GARNL3: variants seen among roughly 807,000 people sequenced by gnomAD.
The protein encoded by GARNL3 is GTPase activating Rap/RanGAP domain like 3.
GARNL3 carries 63 observed loss-of-function variants against 125.0 expected under a neutral mutation model. The observed-to-expected ratio is 0.50, with a 90% confidence interval of 0.41 to 0.62. The LOEUF (loss-of-function observed/expected upper bound fraction) is 0.62. Among genes scored for constraint, GARNL3 ranks in the 20% least tolerant of loss-of-function variants. The probability of loss-of-function intolerance (pLI) is 0.00; values close to 1 mark genes in which losing one functional copy is unlikely to be tolerated. For synonymous variants in GARNL3, 439 were observed against 457.5 expected (o/e 0.96, Z 0.52); for missense variants, 994 against 1,244.0 (o/e 0.80, Z 3.02).
At chr9:127,286,685 C>T (rs958960022) in intron 1 of GARNL3, among the ~76,000 whole-genome samples, 4 of 152,224 alleles carry the variant, frequency 2.6e-5, no homozygotes, top group African/African-American at 7.2e-5. Flanking sequence ...ATTCAATATG[C>T]TCCCAAATTA....
intron 2 of GARNL3, among the ~76,000 whole-genome samples, chr9:127,311,157 T>C (rs1310692540): frequency 2.0e-5 from 3 of 152,042 alleles, no homozygotes; most frequent in Admixed American, 2.0e-4. Context: ...AAAATAGTTA[T>C]TGGCAAAGCA....
At chr9:127,247,965 ACT>A (rs1158340289) in intron 2 of GARNL3, among the ~76,000 whole-genome samples, 1 of 151,688 alleles carries the variant, frequency 6.6e-6, no homozygotes, top group Non-Finnish European at 1.5e-5. Context: ...CCCTCCTCCT[ACT>A]CTCTATCTCC....
intron 1 of GARNL3, among the ~76,000 whole-genome samples, chr9:127,238,666 G>A (rs1026938782): frequency 1.3e-5 from 2 of 152,076 alleles, no homozygotes; most frequent in Non-Finnish European, 1.5e-5. Context: ...CCTTATTCTG[G>A]GATATTTATC....
rs183807552 is a variant in GARNL3 at position 127,345,592 on chromosome 9, A to T, written c.1431+115A>T. On this transcript the variant is annotated intron_variant, in intron 16 of 27. Transcript: ENST00000373387. ...GAAGGAAGAAGAGCATGTCTACTGCAGAGTCCTCAGGGAAAGCCCTAGATA... is the reference window on the plus strand; with the variant it reads ...GAAGGAAGAAGAGCATGTCTACTGCTGAGTCCTCAGGGAAAGCCCTAGATA... 36 of 650,056 alleles carry T rather than the reference A, an allele frequency of 5.5e-5. No individual in the cohort carries two copies. The Admixed American group carries it at 9.3e-4, about 17-fold the overall frequency. The allele number at this position is 650,056 out of a possible 1,614,324, so 40.3% of individuals were successfully genotyped here. A position where few individuals can be genotyped will look rare whatever the true frequency, so the allele number is the denominator to read the frequency against.
chr9:127,342,428 C>A, intron 14 of GARNL3, 94 bp downstream of exon 14: 1 of 812,424 alleles, frequency 1.2e-6, no homozygotes, highest in Non-Finnish European at 2.1e-6. Flanking sequence ...GTGAGAAAAG[C>A]GTAGGAGGCG....
intron 7 of GARNL3, among the ~76,000 whole-genome samples, chr9:127,331,735 T>TTTC (rs1554722987): frequency 7.0e-5 from 10 of 143,734 alleles, no homozygotes; most frequent in Non-Finnish European, 1.1e-4. Context: ...TTTTTTTTTT[T>TTTC]CACATCTGTT....
At chr9:127,354,214 A>G (rs1830561602) in intron 18 of GARNL3, 80 bp from the exon 19 acceptor site, 1 of 1,028,192 alleles carries the variant, frequency 9.7e-7, no homozygotes, top group East Asian at 2.4e-5. Context: ...TAGTTTTTCT[A>G]CACAGTCTGC....
intron 5 of GARNL3, among the ~76,000 whole-genome samples, chr9:127,318,692 A>G (rs2065308536): frequency 6.7e-6 from 1 of 149,196 alleles, no homozygotes; most frequent in Non-Finnish European, 1.5e-5. Context: ...TCTCTCTCCC[A>G]TGCTTAGGTG....
chr9:127,367,684 G>A (rs1406443142), intron 22 of GARNL3, among the ~76,000 whole-genome samples: 1 of 152,164 alleles, frequency 6.6e-6, no homozygotes, highest in Non-Finnish European at 1.5e-5. Flanking sequence ...TTTAATGCAA[G>A]TAATTTCAGT....
Position 127,331,720 on chromosome 9 carries a change from CT to C in GARNL3, c.595-539del, listed in dbSNP as rs60448026. Among the ~76,000 whole-genome samples, 24 of 74,410 alleles carry C rather than the reference CT, an allele frequency of 3.2e-4. 2 individuals are homozygous for C. Among genetic ancestry groups the C allele is most frequent in the Non-Finnish European group, 5.0e-4 (20 of 40,204 alleles). 48.8% of individuals were successfully genotyped at this position (74,410 alleles called of 152,430 possible). A position where few individuals can be genotyped will look rare whatever the true frequency, so the allele number is the denominator to read the frequency against. On this transcript the variant is annotated intron_variant, in intron 7 of 27. Coordinates refer to ENST00000373387, the MANE Select transcript of GARNL3 (RefSeq NM_032293.5). The stretch of plus-strand genomic sequence containing the variant: ...CTACTGCTTGCTTGGCTTGGGCTTG[CT>C]TTTTTTTTTTTTTTCACATCTGTTT...
intron 1 of GARNL3, among the ~76,000 whole-genome samples, chr9:127,231,950 C>T (rs112368952): frequency 3.3e-5 from 5 of 152,152 alleles, no homozygotes; most frequent in Admixed American, 1.3e-4. Flanking sequence ...CAGGGACATA[C>T]AGTACTTCAA....
Position 127,384,100 on chromosome 9 carries a change from A to G in GARNL3, c.2269+555A>G, listed in dbSNP as rs1832415608. 1.3e-5 allele frequency among the ~76,000 whole-genome samples: 2 copies of G among 152,236 alleles called. No homozygotes were observed. The highest frequency in any genetic ancestry group is 4.8e-5 in the African/African-American group (2 of 41,462). On this transcript the variant is annotated intron_variant, in intron 23 of 27. Transcript: ENST00000373387. The surrounding 1 kb of genome is among the most constrained non-coding windows in gnomAD (Gnocchi z 4.0). ...TTCCAGTTCATTCTTTTGTCCTCAC[A>G]ATAAAACTGTGTGTTAATAGGTCCA...
At chr9:127,377,792 CA>C (rs56965235) in intron 22 of GARNL3, among the ~76,000 whole-genome samples, 15,687 of 67,496 alleles carry the variant, frequency 0.23, 701 homozygotes, top group South Asian at 0.4. Context: ...GACTCCGTCT[CA>C]AAAAAAAAAA....
intron 22 of GARNL3, among the ~76,000 whole-genome samples, chr9:127,380,940 G>A (rs544400205): frequency 3.9e-5 from 6 of 152,230 alleles, no homozygotes; most frequent in African/African-American, 1.2e-4. Context: ...GTGCAGTGGC[G>A]TGATCTTGGC....
chr9:127,383,222 C>CA (rs1347246230), intron 22 of GARNL3, among the ~76,000 whole-genome samples: 1 of 152,152 alleles, frequency 6.6e-6, no homozygotes, highest in African/African-American at 2.4e-5. Flanking sequence ...TAAATTCTCC[C>CA]AAAACAGCAG....
chr9:127,378,474 C>T (rs1253102229), intron 22 of GARNL3, among the ~76,000 whole-genome samples: 1 of 151,426 alleles, frequency 6.6e-6, no homozygotes, highest in Non-Finnish European at 1.5e-5. Context: ...GTAATCCCAG[C>T]TATTCGGGAG....
chr9:127,359,079 G>T (rs576947069), intron 21 of GARNL3, among the ~76,000 whole-genome samples: 2 of 152,098 alleles, frequency 1.3e-5, no homozygotes, highest in Admixed American at 1.3e-4. Context: ...AAAGCTGGGA[G>T]GAATGCCGCC....
chr9:127,310,869 G>A (rs1017068943), intron 2 of GARNL3, among the ~76,000 whole-genome samples: 3 of 152,074 alleles, frequency 2.0e-5, no homozygotes, highest in African/African-American at 7.2e-5. Context: ...ATTGCTGGTG[G>A]AACTATAATT....
Position 127,353,711 on chromosome 9 carries a change from A to G in GARNL3, c.1544-135A>G, listed in dbSNP as rs1216751835. ...TGCTTGAATGTATTTTGTAGAGCTTATGAAAGCCCTAGAAGCTGACTTCCT... is the reference window on the plus strand; with the variant it reads ...TGCTTGAATGTATTTTGTAGAGCTTGTGAAAGCCCTAGAAGCTGACTTCCT... On this transcript the variant is annotated intron_variant, in intron 17 of 27. Transcript: ENST00000373387. 7 of 731,848 alleles carry G rather than the reference A, an allele frequency of 9.6e-6. No individual in the cohort carries two copies. The African/African-American group carries it at 1.2e-4, about 13-fold the overall frequency. 45.3% of individuals were successfully genotyped at this position (731,848 alleles called of 1,614,324 possible). A position where few individuals can be genotyped will look rare whatever the true frequency, so the allele number is the denominator to read the frequency against.
Sources: allele counts gnomAD v4.1 joint callset (sites outside exome capture counted in the v4.1 genomes callset), GRCh38; gene constraint gnomAD v4.1.1; non-coding constraint Gnocchi (gnomAD v3.1); transcripts MANE v1.5; gene names NCBI Gene and HGNC (gene_info 2026-07-23, HGNC 2026-07-21).